Variants in MAGI2 observed in about 807,000 individuals in gnomAD.
MAGI2 encodes the protein membrane associated guanylate kinase, WW and PDZ domain containing 2, also known as membrane-associated guanylate kinase, WW and PDZ domain-containing protein 2.
In MAGI2, 35 loss-of-function variants were observed where a neutral mutation model predicts 133.3. The observed-to-expected ratio is 0.26, with a 90% confidence interval of 0.20 to 0.35. The LOEUF (loss-of-function observed/expected upper bound fraction) is 0.35. Ranked by LOEUF, MAGI2 falls within the 10% of genes least tolerant of loss-of-function variation. MAGI2 has a pLI of 1.00. For missense variants in MAGI2, 1,636 were observed against 1,863.4 expected (o/e 0.88, Z 2.25); for synonymous variants, 729 against 710.6 (o/e 1.03, Z -0.41).
rs183355631 is a variant in MAGI2, at chr7:78,793,708, T to C, written c.419-166469A>G. ...AAGGAAATAATATCTATTTTCTTAA[T>C]ATCATATTTGAATACCATAAAACAT... On this transcript the variant is annotated intron_variant, in intron 2 of 21. Coordinates refer to ENST00000354212, the MANE Select transcript of MAGI2 (RefSeq NM_012301.4). Among the ~76,000 whole-genome samples, 56 of 152,348 alleles carry C rather than the reference T, an allele frequency of 3.7e-4. 1 individual carries two copies. The East Asian group carries it at 7.9e-3, about 22-fold the overall frequency.
At chr7:78,762,390 C>T (rs1824601761) in intron 2 of MAGI2, among the ~76,000 whole-genome samples, 1 of 152,032 alleles carries the variant, frequency 6.6e-6, no homozygotes, top group Admixed American at 6.6e-5. Flanking sequence ...TTGCAGTGAG[C>T]TGACATTGCA....
chr7:78,608,286 C>T (rs999072851), intron 3 of MAGI2, among the ~76,000 whole-genome samples: 18 of 152,096 alleles, frequency 1.2e-4, no homozygotes, highest in African/African-American at 4.1e-4. Flanking sequence ...TCTCCCCATT[C>T]ACACTCTTCT....
chr7:78,163,340 C>T lies in MAGI2; in HGVS notation c.2597-3067G>A, dbSNP rs150455650. Among the ~76,000 whole-genome samples, 782 of 152,186 alleles carry T rather than the reference C, an allele frequency of 5.1e-3. 8 individuals carry two copies. The highest frequency in any genetic ancestry group is 0.018 in the African/African-American group (749 of 41,544). On this transcript the variant is annotated intron_variant, in intron 15 of 21. Coordinates refer to ENST00000354212, the MANE Select transcript of MAGI2 (RefSeq NM_012301.4). ...ACTTTTAGTAGAGACAGGGTTTCAC[C>T]GTATTAGCCAGGATGTTCTCGATCT...
intron 21 of MAGI2, among the ~76,000 whole-genome samples, chr7:78,074,059 C>T (rs1317021153): frequency 1.3e-5 from 2 of 152,272 alleles, no homozygotes; most frequent in East Asian, 3.9e-4. Context: ...CCTTCAAAGC[C>T]CTTATCATTT....
At chr7:78,506,196 T>TA (rs370291231) in intron 4 of MAGI2, among the ~76,000 whole-genome samples, 1 of 152,056 alleles carries the variant, frequency 6.6e-6, no homozygotes, top group Non-Finnish European at 1.5e-5. Context: ...AGAAGCAGAT[T>TA]AAAAAAATAT....
intron 1 of MAGI2, among the ~76,000 whole-genome samples, chr7:79,025,171 C>T (rs2079957): frequency 0.58 from 88,850 of 151,922 alleles, 26,335 homozygotes; most frequent in East Asian, 0.63. Flanking sequence ...TACCATGCAG[C>T]CATAAAAAAA....
At chr7:79,398,133 T>A (rs1845193110) in intron 1 of MAGI2, among the ~76,000 whole-genome samples, 1 of 152,204 alleles carries the variant, frequency 6.6e-6, no homozygotes, top group African/African-American at 2.4e-5. Context: ...AAGTCCCTTG[T>A]CATATGTATT....
At chr7:79,014,305 T>C (rs1237821042) in intron 1 of MAGI2, among the ~76,000 whole-genome samples, 1 of 152,172 alleles carries the variant, frequency 6.6e-6, no homozygotes, top group Admixed American at 6.6e-5. Context: ...CCTATAGTTA[T>C]GATATTTCCT....
At chr7:79,127,219 T>G (rs1820498416) in intron 1 of MAGI2, among the ~76,000 whole-genome samples, 1 of 152,168 alleles carries the variant, frequency 6.6e-6, no homozygotes, top group East Asian at 1.9e-4. Flanking sequence ...ATTTGGCTCA[T>G]TTTCAAGTCT....
chr7:79,210,598 G>C (rs1829422650), intron 1 of MAGI2, among the ~76,000 whole-genome samples: 1 of 152,028 alleles, frequency 6.6e-6, no homozygotes, highest in Non-Finnish European at 1.5e-5. Flanking sequence ...AGTTGGAATA[G>C]ATATTTTTGC....
chr7:78,904,166 A>T (rs1290818422), intron 2 of MAGI2: 1 of 152,236 alleles, frequency 6.6e-6, no homozygotes, highest in African/African-American at 2.4e-5. Context: ...TAGAAGAAAG[A>T]TAAAATTCAT....
intron 2 of MAGI2, among the ~76,000 whole-genome samples, chr7:78,687,031 G>A (rs949750426): frequency 4.6e-5 from 7 of 152,132 alleles, no homozygotes; most frequent in African/African-American, 1.4e-4. Context: ...TCAGTCCAGC[G>A]CATTGCATTA....
At chr7:78,768,966 C>T (rs555699240) in intron 2 of MAGI2, among the ~76,000 whole-genome samples, 3 of 152,248 alleles carry the variant, frequency 2.0e-5, no homozygotes, top group African/African-American at 7.2e-5. Context: ...GTCCCTCAAA[C>T]CAGAGCTCTC....
At chr7:79,142,454 T>C (rs1822228517) in intron 1 of MAGI2, among the ~76,000 whole-genome samples, 1 of 152,202 alleles carries the variant, frequency 6.6e-6, no homozygotes, top group African/African-American at 2.4e-5. Flanking sequence ...AAACTGAACC[T>C]ACAACCTTAT....
At chr7:79,276,075 A>G (rs1288727302) in intron 1 of MAGI2, among the ~76,000 whole-genome samples, 1 of 152,172 alleles carries the variant, frequency 6.6e-6, no homozygotes, top group Non-Finnish European at 1.5e-5. Context: ...CCGACTTTCA[A>G]GTATTATTAT....
intron 14 of MAGI2, among the ~76,000 whole-genome samples, chr7:78,168,866 C>A (rs1359826264): frequency 6.6e-6 from 1 of 152,174 alleles, no homozygotes; most frequent in Non-Finnish European, 1.5e-5. Flanking sequence ...CAAAACAAAG[C>A]AAACTCATAG....
chr7:78,764,847 A>G (rs1478419166), intron 2 of MAGI2, among the ~76,000 whole-genome samples: 1 of 152,176 alleles, frequency 6.6e-6, no homozygotes, highest in Non-Finnish European at 1.5e-5. Flanking sequence ...ACTACATGAT[A>G]ATTTTGCTCA....
chr7:78,559,571 G>A (rs754378869), intron 3 of MAGI2, among the ~76,000 whole-genome samples: 83 of 152,104 alleles, frequency 5.5e-4, no homozygotes, highest in African/African-American at 1.9e-3. Context: ...TTCCCATGCC[G>A]ATGCTCGTGA....
chr7:78,685,595 C>A (rs1816202108), intron 2 of MAGI2, among the ~76,000 whole-genome samples: 1 of 151,776 alleles, frequency 6.6e-6, no homozygotes, highest in Non-Finnish European at 1.5e-5. Context: ...AACAAAAAAG[C>A]ACACGTGGTT....
Sources: allele counts gnomAD v4.1 joint callset (sites outside exome capture counted in the v4.1 genomes callset), GRCh38; gene constraint gnomAD v4.1.1; transcripts MANE v1.5; gene names NCBI Gene and HGNC (gene_info 2026-07-23, HGNC 2026-07-21).